DOCK3: variants seen among roughly 807,000 people sequenced by gnomAD.
DOCK3 encodes dedicator of cytokinesis protein 3.
A neutral mutation model predicts 265.6 loss-of-function variants in DOCK3; 60 were observed. That is an observed-to-expected ratio of 0.23 (90% CI 0.18 to 0.28). The LOEUF is 0.28. Ranked by LOEUF, DOCK3 falls within the 10% of genes least tolerant of loss-of-function variation. DOCK3 has a pLI of 1.00. For synonymous variants in DOCK3, 881 were observed against 938.0 expected, an observed-to-expected ratio of 0.94 and a Z score of 1.11; for missense variants, 1,981 against 2,594.3, an observed-to-expected ratio of 0.76 and a Z score of 5.14.
intron 1 of DOCK3, among the ~76,000 whole-genome samples, chr3:50,734,549 C>T (rs2038441140): frequency 6.7e-6 from 1 of 149,484 alleles, no homozygotes; most frequent in Non-Finnish European, 1.5e-5. Context: ...TCTCTCCCCA[C>T]ATTTTATGTC....
intron 5 of DOCK3, among the ~76,000 whole-genome samples, chr3:50,940,799 CA>C (rs1373519236): frequency 1.3e-5 from 2 of 151,768 alleles, no homozygotes; most frequent in Non-Finnish European, 2.9e-5. Flanking sequence ...TGATTTTTGA[CA>C]AAGGTACAAA....
chr3:50,715,967 A>G (rs1197478223), intron 1 of DOCK3, among the ~76,000 whole-genome samples: 1 of 152,180 alleles, frequency 6.6e-6, no homozygotes, highest in Non-Finnish European at 1.5e-5. Flanking sequence ...AGTGAAGGCT[A>G]GTATCTTATT....
At chr3:51,220,176 C>G (rs200969933) in intron 14 of DOCK3, among the ~76,000 whole-genome samples, 1 of 152,110 alleles carries the variant, frequency 6.6e-6, no homozygotes, top group African/African-American at 2.4e-5. Context: ...GCTAACATCT[C>G]TACATTTCCA....
intron 5 of DOCK3, among the ~76,000 whole-genome samples, chr3:51,001,972 G>A (rs1223927220): frequency 1.3e-5 from 2 of 152,044 alleles, no homozygotes; most frequent in Non-Finnish European, 2.9e-5. Context: ...GGAATGCAGT[G>A]GTATTGGTAT....
Position 51,375,733 on chromosome 3 carries a change from A to C in DOCK3, c.5413-15A>C. On this transcript the variant is annotated splice_polypyrimidine_tract_variant and intron_variant, in intron 50 of 52. Transcript: ENST00000266037. The stretch of plus-strand genomic sequence containing the variant: ...GTTGTTTTCACTCTCTGTAATGTTT[A>C]TCTCCTTCCTTCAGCCGCCGAATTT... 6.2e-7 allele frequency: 1 copy of C among 1,613,816 alleles called. No homozygotes were observed. The highest frequency in any genetic ancestry group is 8.5e-7 in the Non-Finnish European group (1 of 1,179,832).
At chr3:50,779,188 A>C (rs1468721331) in intron 2 of DOCK3, among the ~76,000 whole-genome samples, 1 of 152,148 alleles carries the variant, frequency 6.6e-6, no homozygotes, top group African/African-American at 2.4e-5. Flanking sequence ...GTGCTATCAA[A>C]TACTAGATCT....
chr3:51,317,958 G>A (rs912003438), intron 32 of DOCK3, among the ~76,000 whole-genome samples: 2 of 151,648 alleles, frequency 1.3e-5, no homozygotes, highest in Non-Finnish European at 2.9e-5. Context: ...TTCCAGTTTT[G>A]TCCTTTTTTT....
chr3:51,362,048 C>T lies in DOCK3; in HGVS notation c.5145+51C>T, dbSNP rs149327894. The T allele has an allele frequency of 5.7e-5, 89 of 1,552,254 alleles. No individual in the cohort carries two copies. The Admixed American group carries it at 8.5e-4, about 15-fold the overall frequency. On this transcript the variant is annotated intron_variant, in intron 48 of 52. Coordinates refer to ENST00000266037, the MANE Select transcript of DOCK3 (RefSeq NM_004947.5). The stretch of plus-strand genomic sequence containing the variant: ...GCCAGGGCACCATGCCTACAGAACT[C>T]ACCTTGCTGTTGCAATGTCTAGTCT...
intron 27 of DOCK3, among the ~76,000 whole-genome samples, chr3:51,291,925 A>T (rs181730864): frequency 2.0e-5 from 3 of 152,356 alleles, no homozygotes; most frequent in African/African-American, 7.2e-5. Flanking sequence ...TATCGCTGGA[A>T]TACAAGGTTG....
chr3:50,768,296 A>G (rs1254940144), intron 1 of DOCK3, among the ~76,000 whole-genome samples: 5 of 152,184 alleles, frequency 3.3e-5, no homozygotes, highest in Admixed American at 2.6e-4. Flanking sequence ...TGTCCCATCA[A>G]TACCTAATCT....
At chr3:50,676,712 C>T (rs1202069672) in intron 1 of DOCK3, among the ~76,000 whole-genome samples, 1 of 684 alleles carries the variant, frequency 1.5e-3, no homozygotes, top group Non-Finnish European at 2.9e-3. Flanking sequence ...CCTATTTTGG[C>T]GGGGGTGGGG....
chr3:51,236,435 C>T lies in DOCK3; in HGVS notation c.2001+7C>T. ...GTTGGTTTTTCAGTCTCTGGTAAGT[C>T]ACCTTCCTGACTCTTTACTTTTATT... is the stretch of plus-strand genomic sequence containing the variant. On this transcript the variant is annotated splice_region_variant and intron_variant, in intron 20 of 52. Coordinates refer to ENST00000266037, the MANE Select transcript of DOCK3 (RefSeq NM_004947.5). The T allele has an allele frequency of 6.2e-7, 1 of 1,604,824 alleles. No homozygotes were observed. Among genetic ancestry groups the T allele is most frequent in the Non-Finnish European group, 8.5e-7 (1 of 1,176,088 alleles).
chr3:51,165,397 A>G (rs1228072329), intron 12 of DOCK3, among the ~76,000 whole-genome samples: 1 of 152,238 alleles, frequency 6.6e-6, no homozygotes, highest in African/African-American at 2.4e-5. Flanking sequence ...GATGATTACC[A>G]CATTCAAGCT....
intron 5 of DOCK3, among the ~76,000 whole-genome samples, chr3:50,944,185 G>A (rs140821439): frequency 6.6e-6 from 1 of 152,270 alleles, no homozygotes; most frequent in African/African-American, 2.4e-5. Flanking sequence ...TGTATTATAT[G>A]TATTTAAAGC....
chr3:51,212,341 C>G (rs985470415), intron 13 of DOCK3, among the ~76,000 whole-genome samples: 11 of 151,944 alleles, frequency 7.2e-5, no homozygotes, highest in African/African-American at 2.7e-4. Flanking sequence ...TTCTGTACAC[C>G]ATTTTGGTTG....
intron 12 of DOCK3, among the ~76,000 whole-genome samples, chr3:51,200,307 C>T (rs1347699540): frequency 1.3e-5 from 2 of 151,766 alleles, no homozygotes; most frequent in Non-Finnish European, 2.9e-5. Context: ...GAATGTATAA[C>T]TACAATAACC....
intron 9 of DOCK3, among the ~76,000 whole-genome samples, chr3:51,097,962 A>G (rs759816910): frequency 2.0e-4 from 30 of 152,084 alleles, no homozygotes; most frequent in African/African-American, 2.7e-4. Context: ...ACCAGCCCCA[A>G]TGAGATGAGC....
intron 14 of DOCK3, 64 bp downstream of exon 14, chr3:51,214,311 C>G: frequency 6.3e-7 from 1 of 1,590,956 alleles, no homozygotes; most frequent in South Asian, 1.2e-5. Context: ...TGCTCCCCTC[C>G]TGAGCAGGTG....
intron 12 of DOCK3, among the ~76,000 whole-genome samples, chr3:51,195,606 C>T (rs1242142189): frequency 2.0e-5 from 3 of 152,044 alleles, no homozygotes; most frequent in South Asian, 2.1e-4. Context: ...TTAATAGAGA[C>T]GGGATGTCAC....
Sources: gnomAD v4.1 joint callset for allele counts (sites outside exome capture counted in the v4.1 genomes callset) on GRCh38, gnomAD v4.1.1 for gene constraint, MANE v1.5 for transcripts, NCBI Gene and HGNC (gene_info 2026-07-23, HGNC 2026-07-21) for gene names.